The following NIT2 variants were observed in gnomAD, a reference collection of about 807,000 sequenced individuals.
NIT2 encodes omega-amidase NIT2.
Under a neutral mutation model 42.7 loss-of-function variants are expected in NIT2, and 46 were observed. The ratio of observed to expected loss-of-function variants is 1.08; its 90% CI spans 0.85 to 1.38. The LOEUF is 1.38. Ranked by LOEUF, NIT2 falls within the 40% of genes most tolerant of loss-of-function variation. The probability of loss-of-function intolerance (pLI) is 0.00; values close to 1 mark genes in which losing one functional copy is unlikely to be tolerated. For synonymous variants in NIT2, 123 were observed against 121.9 expected (o/e 1.01, Z -0.06); for missense variants, 309 against 342.5 (o/e 0.90, Z 0.77).
rs1332321088 is a variant in NIT2 at position 100,346,235 on chromosome 3, C to T, written c.485C>T (p.Ala162Val). Residue 162 changes from alanine (A) to valine (V), a missense_variant, in exon 6 of 10, where the codon GCA becomes GTA. Ala to Val is a moderately conservative substitution (Grantham distance 64, BLOSUM62 0). Coordinates refer to ENST00000394140, the MANE Select transcript of NIT2 (RefSeq NM_020202.5). The part of the protein sequence containing the change: ...ICYDMRFAEL[A>V]QIYAQRGCQL... ...TACGACATGCGGTTTGCAGAGCTTG[C>T]ACAAATCTACGCACAGAGAGGTGAG... The T allele has an allele frequency of 3.7e-6, 6 of 1,614,036 alleles. No individual in the cohort carries two copies. The highest frequency in any genetic ancestry group is 2.7e-5 in the African/African-American group (2 of 75,038).
rs1045377668 is a variant in NIT2, at chr3:100,356,452, A to G, written c.*1184A>G. 6.6e-6 allele frequency: 1 copy of G among 152,308 alleles called. No individual in the cohort carries two copies. The highest frequency in any genetic ancestry group is 6.5e-5 in the Admixed American group (1 of 15,298). The allele number at this position is 152,308 out of a possible 1,614,324, so 9.4% of individuals were successfully genotyped here. On this transcript the variant is annotated 3_prime_UTR_variant, in exon 10 of 10. Transcript: ENST00000394140. ...AGATAGATATATCATATAGATATTT[A>G]CCATTTACCATATTGGAAAGTAAAA...
At chr3:100,335,625 T>C (rs1706060458) in intron 1 of NIT2, among the ~76,000 whole-genome samples, 2 of 152,150 alleles carry the variant, frequency 1.3e-5, no homozygotes, top group African/African-American at 4.8e-5. Flanking sequence ...CTAAGCTTAG[T>C]TGAGGACCCC....
intron 8 of NIT2, among the ~76,000 whole-genome samples, 174 bp from the exon 9 acceptor site, chr3:100,354,598 T>A (rs1706306179): frequency 6.6e-6 from 1 of 152,202 alleles, no homozygotes; most frequent in Non-Finnish European, 1.5e-5. Flanking sequence ...TAAAATGCCT[T>A]CCCATAAGGT....
intron 7 of NIT2, among the ~76,000 whole-genome samples, chr3:100,352,120 G>GAAAGGATGTGGAGAAATAGGAA (rs1239961946): frequency 6.6e-6 from 1 of 152,246 alleles, no homozygotes; most frequent in Non-Finnish European, 1.5e-5. Flanking sequence ...GCAGGTGCTG[G>GAAAGGATGTGGAGAAATAGGAA]AAAGGATGTG....
rs961279698 is a variant in NIT2, at chr3:100,350,656, G to A, written c.585-1748G>A. Reference sequence around the variant, plus strand: ...ATGTCAGTAGCATCTCCTTAGTCACGACAGTCAGGAAGATCTCTAGACATT... The same window carrying A: ...ATGTCAGTAGCATCTCCTTAGTCACAACAGTCAGGAAGATCTCTAGACATT... On this transcript the variant is annotated intron_variant, in intron 7 of 9. Transcript: ENST00000394140. Among the ~76,000 whole-genome samples the A allele has an allele frequency of 3.9e-5, 6 of 152,278 alleles. No homozygotes were observed. The South Asian group carries it at 1.0e-3, about 26-fold the overall frequency.
chr3:100,347,878 A>G (rs1283293336), intron 6 of NIT2, among the ~76,000 whole-genome samples: 1 of 151,860 alleles, frequency 6.6e-6, no homozygotes, highest in Non-Finnish European at 1.5e-5. Context: ...GGTTTGGGCC[A>G]TCTACCTTTA....
In NIT2 at chr3:100,334,818, G is replaced by T; in HGVS notation, c.7+20G>T. The T allele has an allele frequency of 7.8e-7, 1 of 1,289,232 alleles. No individual in the cohort carries two copies. The highest frequency in any genetic ancestry group is 9.8e-7 in the Non-Finnish European group (1 of 1,017,510). 79.9% of individuals were successfully genotyped at this position (1,289,232 alleles called of 1,614,324 possible). ...TGACCTGTAAGTGGCGCGGCCGCGC[G>T]CTGCAGCTCGAGTTCGGGCCGCGGG... On this transcript the variant is annotated intron_variant, in intron 1 of 9. Transcript: ENST00000394140.
chr3:100,335,693 T>C (rs556820016), intron 1 of NIT2, among the ~76,000 whole-genome samples: 5 of 152,314 alleles, frequency 3.3e-5, no homozygotes, highest in East Asian at 1.9e-4. Context: ...TGGTGAGCTT[T>C]ATCTTTCCCA....
In NIT2 at chr3:100,358,317, T is replaced by G. The variant is rs1319184080; in HGVS notation, c.*3049T>G. On this transcript the variant is annotated 3_prime_UTR_variant, in exon 10 of 10. Transcript: ENST00000394140. ...ATGAACACTAGATTCCCACTTGGAGTGGAAGAACATTGCAGTTGAGGCCTT... is the reference window on the plus strand; with the variant it reads ...ATGAACACTAGATTCCCACTTGGAGGGGAAGAACATTGCAGTTGAGGCCTT... 1 of 152,106 alleles carries G rather than the reference T, an allele frequency of 6.6e-6. No individual in the cohort carries two copies. The highest frequency in any genetic ancestry group is 1.5e-5 in the Non-Finnish European group (1 of 68,022). 9.4% of individuals were successfully genotyped at this position (152,106 alleles called of 1,614,324 possible).
intron 8 of NIT2, among the ~76,000 whole-genome samples, chr3:100,353,783 T>TC (rs1339703835): frequency 1.3e-5 from 2 of 150,978 alleles, no homozygotes; most frequent in Non-Finnish European, 3.0e-5. Context: ...TTTTCTTTTT[T>TC]TTTTTTTTGA....
At chr3:100,355,061 C>G in intron 9 of NIT2, 116 bp from the exon 10 acceptor site, 1 of 786,656 alleles carries the variant, frequency 1.3e-6, no homozygotes, top group Non-Finnish European at 2.1e-6. Context: ...TAGATAAGAC[C>G]TATGTTACTA....
intron 1 of NIT2, among the ~76,000 whole-genome samples, chr3:100,335,531 T>A (rs1388047666): frequency 1.3e-5 from 2 of 152,230 alleles, no homozygotes; most frequent in Non-Finnish European, 2.9e-5. Context: ...CGTCTCCTCC[T>A]CAGCATGAGG....
At chr3:100,353,681 T>C (rs1706295598) in intron 8 of NIT2, among the ~76,000 whole-genome samples, 1 of 152,204 alleles carries the variant, frequency 6.6e-6, no homozygotes, top group Non-Finnish European at 1.5e-5. Flanking sequence ...TCAGTTGTTA[T>C]GTCAGATTAT....
chr3:100,345,559 A>G lies in NIT2; in HGVS notation c.337-26A>G, dbSNP rs369697364. ...CCATGGACCCTGCTGGAAAAGAGGT[A>G]ACCAAATCCATTATTTGTGATGCAG... is the stretch of plus-strand genomic sequence containing the variant. On this transcript the variant is annotated intron_variant, in intron 4 of 9. Transcript: ENST00000394140. 9.2e-6 allele frequency: 14 copies of G among 1,515,634 alleles called. No individual in the cohort carries two copies. The African/African-American group carries it at 1.8e-4, about 19-fold the overall frequency. 93.9% of individuals were successfully genotyped at this position (1,515,634 alleles called of 1,614,324 possible). A position where few individuals can be genotyped will look rare whatever the true frequency, so the allele number is the denominator to read the frequency against.
At chr3:100,346,614 AT>A (rs1308532294) in intron 6 of NIT2, among the ~76,000 whole-genome samples, 1 of 152,150 alleles carries the variant, frequency 6.6e-6, no homozygotes, top group Non-Finnish European at 1.5e-5. Flanking sequence ...GGTCTGTGAT[AT>A]TTTGGTCCAG....
chr3:100,334,956 G>C (rs1706050968), intron 1 of NIT2, 158 bp downstream of exon 1: 1 of 716,460 alleles, frequency 1.4e-6, no homozygotes. Context: ...CCGGGATCGC[G>C]TGGCCGGGCG....
chr3:100,349,641 A>G (rs1403536257), intron 7 of NIT2: 2 of 152,272 alleles, frequency 1.3e-5, no homozygotes, highest in Non-Finnish European at 2.9e-5. Context: ...AGCTGATTCT[A>G]TGCCATTCAG....
chr3:100,335,777 G>A lies in NIT2; in HGVS notation c.7+979G>A, dbSNP rs1706062740. On this transcript the variant is annotated intron_variant, in intron 1 of 9. Transcript: ENST00000394140. ...CCAACAGTTTGGGAAGCTGAGGCAC[G>A]AGGATCGCTTGAGTTCACGAGTCAA... 2.0e-5 allele frequency among the ~76,000 whole-genome samples: 3 copies of A among 152,210 alleles called. No individual in the cohort carries two copies. In the South Asian group the frequency reaches 6.2e-4, roughly 31 times the overall value.
intron 4 of NIT2, among the ~76,000 whole-genome samples, chr3:100,343,469 T>G (rs773589621): frequency 1.3e-5 from 2 of 152,178 alleles, no homozygotes; most frequent in Non-Finnish European, 2.9e-5. Context: ...TTCTTCTGTC[T>G]TCTTCAATTT....
Sources: allele counts gnomAD v4.1 joint callset (sites outside exome capture counted in the v4.1 genomes callset), GRCh38; gene constraint gnomAD v4.1.1; transcripts MANE v1.5; gene names NCBI Gene and HGNC (gene_info 2026-07-23, HGNC 2026-07-21).